ZC3H12B: variants seen among roughly 807,000 people sequenced by gnomAD.
ZC3H12B encodes probable ribonuclease ZC3H12B.
A neutral mutation model predicts 43.9 loss-of-function variants in ZC3H12B; 7 were observed. The observed-to-expected ratio is 0.16, with a 90% CI of 0.09 to 0.30. The LOEUF (loss-of-function observed/expected upper bound fraction) is 0.30. Among genes scored for constraint, ZC3H12B ranks in the 10% least tolerant of loss-of-function variants. The probability of loss-of-function intolerance (pLI) is 1.00; values close to 1 mark genes in which losing one functional copy is unlikely to be tolerated. For synonymous variants in ZC3H12B, 222 were observed against 241.7 expected, an observed-to-expected ratio of 0.92 and a Z score of 0.76; for missense variants, 475 against 670.2, an observed-to-expected ratio of 0.71 and a Z score of 3.22.
At chrX:65,123,830 A>G in the ZC3H12B span, among the ~76,000 whole-genome samples, 8 of 106,675 alleles carry the variant, frequency 7.5e-5, no homozygotes, top group African/African-American at 2.7e-4. Context: ...TGATTTGTGT[A>G]AATTAATTTT....
the ZC3H12B span, among the ~76,000 whole-genome samples, chrX:65,214,530 C>T: frequency 8.9e-6 from 1 of 111,735 alleles, no homozygotes; most frequent in Admixed American, 9.6e-5. Flanking sequence ...AAATGTTCAT[C>T]CGTTTTACCA....
the ZC3H12B span, among the ~76,000 whole-genome samples, chrX:65,035,369 T>C: frequency 8.9e-6 from 1 of 112,515 alleles, no homozygotes; most frequent in Non-Finnish European, 1.9e-5. Context: ...CAGAAGCTTC[T>C]GACGCCTCTC....
At chrX:65,087,622 G>T in the ZC3H12B span, among the ~76,000 whole-genome samples, 1 of 111,493 alleles carries the variant, frequency 9.0e-6, no homozygotes, top group Non-Finnish European at 1.9e-5. Context: ...TAAAGAGAAG[G>T]GTGATAGAAA....
the ZC3H12B span, among the ~76,000 whole-genome samples, chrX:65,141,996 C>T: frequency 5.4e-5 from 6 of 112,017 alleles, no homozygotes; most frequent in Admixed American, 4.7e-4. Context: ...ACTTTTATTG[C>T]ATAATGACTT....
chrX:65,190,969 T>C, the ZC3H12B span, among the ~76,000 whole-genome samples: 5 of 91,555 alleles, frequency 5.5e-5, no homozygotes, highest in African/African-American at 2.6e-4. Flanking sequence ...TTGAAATATG[T>C]CCCATCAATA....
the ZC3H12B span, among the ~76,000 whole-genome samples, chrX:65,329,632 T>C: frequency 9.0e-6 from 1 of 110,810 alleles, no homozygotes; most frequent in Non-Finnish European, 1.9e-5. Context: ...CCCATGCCTA[T>C]GTCCTGAATG....
intron 3 of ZC3H12B, among the ~76,000 whole-genome samples, chrX:65,399,056 C>T (rs759363450): frequency 3.2e-4 from 36 of 112,228 alleles, no homozygotes; most frequent in African/African-American, 1.2e-3. Context: ...AATATAAGAC[C>T]TCAAATTGTG....
chrX:65,280,771 G>A, the ZC3H12B span, among the ~76,000 whole-genome samples: 749 of 111,332 alleles, frequency 6.7e-3, 14 homozygotes, highest in African/African-American at 0.023. Flanking sequence ...AATCAAGAAG[G>A]CAATCTCATT....
chrX:65,284,040 G>A, the ZC3H12B span, among the ~76,000 whole-genome samples: 3 of 111,019 alleles, frequency 2.7e-5, no homozygotes, highest in African/African-American at 9.8e-5. Flanking sequence ...ACTGAGGAGT[G>A]AGGGGGATGT....
At chrX:65,249,515 T>G in the ZC3H12B span, among the ~76,000 whole-genome samples, 12 of 112,132 alleles carry the variant, frequency 1.1e-4, no homozygotes, top group Non-Finnish European at 2.1e-4. Context: ...TTGTTCTTTC[T>G]GCTTAGTCTT....
At chrX:65,413,593 T>C (rs1344983884) in intron 3 of ZC3H12B, among the ~76,000 whole-genome samples, 2 of 112,314 alleles carry the variant, frequency 1.8e-5, no homozygotes, top group Non-Finnish European at 3.8e-5. Flanking sequence ...TGACTATAGG[T>C]TTATGGACTT....
chrX:65,252,504 C>A, the ZC3H12B span, among the ~76,000 whole-genome samples: 2 of 111,539 alleles, frequency 1.8e-5, no homozygotes, highest in African/African-American at 6.5e-5. Context: ...TATTATTACC[C>A]CCTTTTTACA....
chrX:65,391,532 C>T (rs1367827269), intron 2 of ZC3H12B, among the ~76,000 whole-genome samples: 1 of 111,158 alleles, frequency 9.0e-6, no homozygotes, highest in Non-Finnish European at 1.9e-5. Flanking sequence ...TTGACTGAGG[C>T]TATGAGCCAG....
the ZC3H12B span, among the ~76,000 whole-genome samples, chrX:65,107,994 G>A: frequency 1.8e-5 from 2 of 111,430 alleles, no homozygotes; most frequent in African/African-American, 6.5e-5. Flanking sequence ...GTAACCCAAA[G>A]ACAAGTGTTT....
rs1285195300 is a variant in ZC3H12B at position 65,414,702 on chromosome X, T to C, written n.407+15998T>C. Among the ~76,000 whole-genome samples, 3 of 111,438 alleles carry C rather than the reference T, an allele frequency of 2.7e-5. 1 individual carries two copies. The South Asian group carries it at 1.1e-3, about 42-fold the overall frequency. On this transcript the variant is annotated intron_variant and non_coding_transcript_variant, in intron 3 of 5. Transcript: ENST00000617377. Reference sequence around the variant, plus strand: ...CAGAGACCCAGCAGAGTTGTCTATGTATCCAGATTCTCTACCTTCGCTTCT... The same window carrying C: ...CAGAGACCCAGCAGAGTTGTCTATGCATCCAGATTCTCTACCTTCGCTTCT...
the ZC3H12B span, among the ~76,000 whole-genome samples, chrX:65,357,763 A>G: frequency 6.0e-4 from 67 of 111,935 alleles, no homozygotes; most frequent in African/African-American, 2.1e-3. Flanking sequence ...GGCCGTAAAC[A>G]CTATGAAGAA....
At chrX:65,186,458 C>G in the ZC3H12B span, 1 of 103,465 alleles carries the variant, frequency 9.7e-6, no homozygotes, top group Admixed American at 1.0e-4. Flanking sequence ...CACCACTGTA[C>G]TCCAGCCTGG....
the ZC3H12B span, among the ~76,000 whole-genome samples, chrX:65,197,400 A>C: frequency 3.6e-5 from 4 of 112,424 alleles, no homozygotes; most frequent in Non-Finnish European, 7.5e-5. Flanking sequence ...CTAAAATTTA[A>C]GTAAAATGTA....
the ZC3H12B span, among the ~76,000 whole-genome samples, chrX:65,235,005 C>G: frequency 8.9e-6 from 1 of 111,738 alleles, no homozygotes; most frequent in African/African-American, 3.3e-5. Context: ...ATCCATGTCC[C>G]TGCAAAGGAC....
Sources: gnomAD v4.1 joint callset for allele counts (sites outside exome capture counted in the v4.1 genomes callset) on GRCh38, gnomAD v4.1.1 for gene constraint, MANE v1.5 for transcripts, NCBI Gene and HGNC (gene_info 2026-07-23, HGNC 2026-07-21) for gene names.